SLC7A6: variants seen among roughly 807,000 people sequenced by gnomAD.
SLC7A6 encodes the protein solute carrier family 7 member 6.
In SLC7A6, 29 loss-of-function variants were observed where a neutral mutation model predicts 46.6. The ratio of observed to expected loss-of-function variants is 0.62; its 90% CI spans 0.46 to 0.85. The LOEUF (loss-of-function observed/expected upper bound fraction) is 0.85. Among genes scored for constraint, SLC7A6 ranks in the 40% least tolerant of loss-of-function variants. The probability of loss-of-function intolerance (pLI) is 0.00; values close to 1 mark genes in which losing one functional copy is unlikely to be tolerated. For missense variants in SLC7A6, 527 were observed against 647.6 expected (o/e 0.81, Z 2.02); for synonymous variants, 276 against 257.3 (o/e 1.07, Z -0.70).
rs760451505 is a variant in SLC7A6 at position 68,275,020 on chromosome 16, T to C, written c.294T>C (p.Tyr98=). Residue 98 remains tyrosine (Y), a synonymous_variant, in exon 3 of 11, where the codon TAT becomes TAC. Coordinates refer to ENST00000219343, the MANE Select transcript of SLC7A6 (RefSeq NM_003983.6). The stretch of plus-strand genomic sequence containing the variant: ...TCTCTGTTGTGGGTGCCCTTTGTTA[T>C]GCAGAGCTGGGGACCACCATCACCA... ...GLFSVVGALC[Y]AELGTTITKS... The C allele has an allele frequency of 1.2e-5, 20 of 1,614,094 alleles. No homozygotes were observed. In the Admixed American group the frequency reaches 2.3e-4, roughly 19 times the overall value.
At chr16:68,291,712 G>C in intron 7 of SLC7A6, 51 bp downstream of exon 7, 1 of 1,520,730 alleles carries the variant, frequency 6.6e-7, no homozygotes, top group Non-Finnish European at 9.1e-7. Flanking sequence ...TCATTCTCTG[G>C]GGCTTAGGCA....
chr16:68,301,172 C>T lies in SLC7A6; in HGVS notation c.*3844C>T, dbSNP rs772184553. The T allele has an allele frequency of 6.7e-7, 1 of 1,494,508 alleles. No individual in the cohort carries two copies. Among genetic ancestry groups the T allele is most frequent in the Non-Finnish European group, 9.0e-7 (1 of 1,116,676 alleles). The allele number at this position is 1,494,508 out of a possible 1,614,324, so 92.6% of individuals were successfully genotyped here. A position where few individuals can be genotyped will look rare whatever the true frequency, so the allele number is the denominator to read the frequency against. The stretch of plus-strand genomic sequence containing the variant: ...TATGCTTGATATGCTTTTCCTTCCA[C>T]ATGTTAAGCTAGGAAACCTAACAGG... On this transcript the variant is annotated 3_prime_UTR_variant, in exon 11 of 11. Transcript: ENST00000219343.
rs749156876 is a variant in SLC7A6, at chr16:68,301,310, C to T, written c.*3982C>T. The T allele has an allele frequency of 2.5e-6, 4 of 1,614,108 alleles. No homozygotes were observed. The highest frequency in any genetic ancestry group is 2.2e-5 in the South Asian group (2 of 91,076). Reference sequence around the variant, plus strand: ...TCCAGGTCGTGGGGGCTGTCATAGCCGAACTCCTTCTGCACATCCAGAGGG... The same window carrying T: ...TCCAGGTCGTGGGGGCTGTCATAGCTGAACTCCTTCTGCACATCCAGAGGG... On this transcript the variant is annotated 3_prime_UTR_variant, in exon 11 of 11. Coordinates refer to ENST00000219343, the MANE Select transcript of SLC7A6 (RefSeq NM_003983.6).
At chr16:68,285,672 G>A (rs1157572511) in intron 3 of SLC7A6, among the ~76,000 whole-genome samples, 1 of 152,154 alleles carries the variant, frequency 6.6e-6, no homozygotes, top group Non-Finnish European at 1.5e-5. Context: ...CTCTCCATTT[G>A]AATGGAAGAA....
At chr16:68,294,864 T>C (rs1238979060) in intron 8 of SLC7A6, 63 bp downstream of exon 8, 1 of 1,158,418 alleles carries the variant, frequency 8.6e-7, no homozygotes, top group African/African-American at 1.5e-5. Flanking sequence ...TGATTTGTGC[T>C]AAGTTGTTAA....
chr16:68,282,870 G>C (rs1050223378), intron 3 of SLC7A6, among the ~76,000 whole-genome samples: 1 of 152,096 alleles, frequency 6.6e-6, no homozygotes, highest in South Asian at 2.1e-4. Flanking sequence ...TGCCCGCCTC[G>C]GCCTCCCAAA....
At position 68,301,272 on chromosome 16, in the gene SLC7A6, C is replaced by A; in HGVS notation, c.*3944C>A. 1 of 1,613,908 alleles carries A rather than the reference C, an allele frequency of 6.2e-7. No homozygotes were observed. The highest frequency in any genetic ancestry group is 8.5e-7 in the Non-Finnish European group (1 of 1,179,838). On this transcript the variant is annotated 3_prime_UTR_variant, in exon 11 of 11. Coordinates refer to ENST00000219343, the MANE Select transcript of SLC7A6 (RefSeq NM_003983.6). ...GCAGAACCTCATGGACATCACAAGA[C>A]CATCAGTCTGAATCCAGGTCGTGGG...
intron 3 of SLC7A6, among the ~76,000 whole-genome samples, chr16:68,278,603 A>G (rs1465418702): frequency 2.0e-5 from 3 of 152,152 alleles, no homozygotes; most frequent in African/African-American, 2.4e-5. Context: ...GACACAGCAC[A>G]TGTTTCAGAG....
chr16:68,291,773 G>GTGTGTA, intron 7 of SLC7A6, 112 bp downstream of exon 7: 2 of 651,286 alleles, frequency 3.1e-6, no homozygotes, highest in Non-Finnish European at 5.2e-6. Flanking sequence ...GTGTGTGTGT[G>GTGTGTA]TGTGTGTGTG....
chr16:68,288,967 CAA>C (rs753001951), intron 4 of SLC7A6, among the ~76,000 whole-genome samples: 24 of 76,128 alleles, frequency 3.2e-4, no homozygotes, highest in African/African-American at 4.1e-4. Flanking sequence ...GATTCCATCT[CAA>C]AAAAAAAAAA....
At chr16:68,267,196 A>C (rs1490172164) in intron 2 of SLC7A6, among the ~76,000 whole-genome samples, 1 of 143,734 alleles carries the variant, frequency 7.0e-6, no homozygotes, top group Non-Finnish European at 1.5e-5. Context: ...CAGCCTCCCA[A>C]TTGTGGTGGA....
At position 68,275,173 on chromosome 16, in the gene SLC7A6, C is replaced by G. The variant is rs559588577; in HGVS notation, c.447C>G (p.Asn149Lys). 1 of 1,614,046 alleles carries G rather than the reference C, an allele frequency of 6.2e-7. No homozygotes were observed. The highest frequency in any genetic ancestry group is 1.6e-4 in the Middle Eastern group (1 of 6,062). Reference sequence around the variant, plus strand: ...CCATCATCGCCATCACCTTTGCCAACTACATCATCCAGCCGTCCTTCCCCA... The same window carrying G: ...CCATCATCGCCATCACCTTTGCCAAGTACATCATCCAGCCGTCCTTCCCCA... ...GQAIIAITFANYIIQPSFPSC... is the reference protein window; with the variant it reads ...GQAIIAITFAKYIIQPSFPSC... Residue 149 changes from asparagine to lysine, a missense_variant, in exon 3 of 11, where the codon AAC becomes AAG. Asn to Lys is a moderately conservative substitution (Grantham distance 94). Coordinates refer to ENST00000219343, the MANE Select transcript of SLC7A6 (RefSeq NM_003983.6).
rs564663298 is a variant in SLC7A6, at chr16:68,285,037, CT to C, written c.524-2708del. The stretch of plus-strand genomic sequence containing the variant: ...AGGTGTGCACCGCTGCCCCGGCCCC[CT>C]GTCTGTCTTTTTGTCTAAGCTGCAT... On this transcript the variant is annotated intron_variant, in intron 3 of 10. Coordinates refer to ENST00000219343, the MANE Select transcript of SLC7A6 (RefSeq NM_003983.6). 4.5e-3 allele frequency among the ~76,000 whole-genome samples: 637 copies of C among 142,720 alleles called. 8 individuals carry two copies. The highest frequency in any genetic ancestry group is 0.018 in the African/African-American group (601 of 32,868). 93.6% of individuals were successfully genotyped at this position (142,720 alleles called of 152,430 possible).
intron 3 of SLC7A6, among the ~76,000 whole-genome samples, chr16:68,280,194 C>T (rs993641828): frequency 6.6e-6 from 1 of 152,178 alleles, no homozygotes; most frequent in Non-Finnish European, 1.5e-5. Flanking sequence ...GAAAGGTCTG[C>T]ACTGAATCTA....
At chr16:68,284,587 A>C (rs899647740) in intron 3 of SLC7A6, 1 of 953,178 alleles carries the variant, frequency 1.0e-6, no homozygotes, top group African/African-American at 1.8e-5. Context: ...GAGAGGACCA[A>C]ACCTGTAGGA....
intron 4 of SLC7A6, among the ~76,000 whole-genome samples, chr16:68,289,560 T>TA: frequency 6.6e-6 from 1 of 152,180 alleles, no homozygotes; most frequent in East Asian, 1.9e-4. Flanking sequence ...CAGCTCTTTT[T>TA]ACCACATGAG....
At chr16:68,276,927 C>T (rs781409645) in intron 3 of SLC7A6, among the ~76,000 whole-genome samples, 1 of 151,498 alleles carries the variant, frequency 6.6e-6, no homozygotes, top group African/African-American at 2.4e-5. Flanking sequence ...CCCGGGAAGT[C>T]GAGGCTGCAG....
chr16:68,274,767 A>T lies in SLC7A6; in HGVS notation c.41A>T (p.His14Leu). The T allele has an allele frequency of 3.1e-6, 5 of 1,614,226 alleles. No individual in the cohort carries two copies. The highest frequency in any genetic ancestry group is 1.7e-5 in the Admixed American group (1 of 60,030). ...CCTGGGAGGCCCACACCCACCTACC[A>T]TCTTGTCCCTAACACCAGCCAGTCC... ...REPGRPTPTY[H>L]LVPNTSQSQV... The change falls in exon 3 of 11, where the codon CAT becomes CTT. Residue 14 changes from histidine to leucine, a missense_variant. Physicochemically the swap from His to Leu is moderately conservative, Grantham distance 99. Coordinates refer to ENST00000219343, the MANE Select transcript of SLC7A6 (RefSeq NM_003983.6).
chr16:68,274,587 T>G (rs1043993768), intron 2 of SLC7A6, 104 bp from the exon 3 acceptor site: 1 of 916,424 alleles, frequency 1.1e-6, no homozygotes, highest in Non-Finnish European at 1.7e-6. Flanking sequence ...TAGGGCTGTG[T>G]GCATGGCATG....
Sources: allele counts gnomAD v4.1 joint callset (sites outside exome capture counted in the v4.1 genomes callset), GRCh38; gene constraint gnomAD v4.1.1; transcripts MANE v1.5; gene names NCBI Gene and HGNC (gene_info 2026-07-23, HGNC 2026-07-21).